SF3B2: variants seen among roughly 807,000 people sequenced by gnomAD.
The protein encoded by SF3B2 is splicing factor 3b subunit 2.
SF3B2 carries 22 observed loss-of-function variants against 116.3 expected under a neutral mutation model. The observed-to-expected ratio is 0.19, with a 90% CI of 0.14 to 0.27. The LOEUF (loss-of-function observed/expected upper bound fraction) is 0.27, where lower values mean the gene tolerates loss of function less well. Ranked by LOEUF, SF3B2 falls within the 10% of genes least tolerant of loss-of-function variation. The pLI, the probability that SF3B2 is intolerant of heterozygous loss-of-function variation, is 1.00. For missense variants in SF3B2, 767 were observed against 1,151.4 expected, an observed-to-expected ratio of 0.67 and a Z score of 4.83; for synonymous variants, 406 against 421.6, an observed-to-expected ratio of 0.96 and a Z score of 0.45.
At position 66,059,179 on chromosome 11, in the gene SF3B2, T is replaced by G; in HGVS notation, c.1183-22T>G. On this transcript the variant is annotated intron_variant, in intron 10 of 21. Coordinates refer to ENST00000322535, the MANE Select transcript of SF3B2 (RefSeq NM_006842.3). The surrounding 1 kb of genome is among the most constrained non-coding windows in gnomAD (Gnocchi z 5.0). Reference sequence around the variant, plus strand: ...GGGAAGGGGCTCAGAGGGCAGGGGTTTCACCTTGTCTGCCTCCTTAGCTCA... The same window carrying G: ...GGGAAGGGGCTCAGAGGGCAGGGGTGTCACCTTGTCTGCCTCCTTAGCTCA... 1 of 1,613,988 alleles carries G rather than the reference T, an allele frequency of 6.2e-7. No homozygotes were observed. Among genetic ancestry groups the G allele is most frequent in the East Asian group, 2.2e-5 (1 of 44,864 alleles).
intron 7 of SF3B2, 52 bp downstream of exon 7, chr11:66,057,427 G>A: frequency 1.1e-6 from 1 of 894,078 alleles, no homozygotes; most frequent in Non-Finnish European, 1.8e-6. Context: ...TTTAGGATGG[G>A]ACTATTTTTG....
At position 66,063,788 on chromosome 11, in the gene SF3B2, C is replaced by A. The variant is rs942219515; in HGVS notation, c.2330+59C>A. The stretch of plus-strand genomic sequence containing the variant: ...CCTTCACTTCCCTTTGGCTGGCTGG[C>A]TGACTGTTGTTCCTTTCTCCCTCAT... On this transcript the variant is annotated intron_variant, in intron 19 of 21. Transcript: ENST00000322535. 5 of 1,366,386 alleles carry A rather than the reference C, an allele frequency of 3.7e-6. No individual in the cohort carries two copies. The African/African-American group carries it at 5.8e-5, about 16-fold the overall frequency. 84.6% of individuals were successfully genotyped at this position (1,366,386 alleles called of 1,614,324 possible).
At position 66,055,680 on chromosome 11, in the gene SF3B2, G is replaced by T. The variant is rs1856981690; in HGVS notation, c.549+95G>T. On this transcript the variant is annotated intron_variant, in intron 5 of 21. Coordinates refer to ENST00000322535, the MANE Select transcript of SF3B2 (RefSeq NM_006842.3). ...TGCACCATTCAAGTTTTCCCTGGAG[G>T]CTACTTTGTTCTCAACTAAGTTCTA... The T allele has an allele frequency of 3.5e-6, 4 of 1,157,178 alleles. No individual in the cohort carries two copies. In the Admixed American group the frequency reaches 6.1e-5, roughly 18 times the overall value. 71.7% of individuals were successfully genotyped at this position (1,157,178 alleles called of 1,614,324 possible). A position where few individuals can be genotyped will look rare whatever the true frequency, so the allele number is the denominator to read the frequency against.
rs952709021 is a variant in SF3B2 at position 66,053,322 on chromosome 11, T to C, written c.258+218T>C. The C allele has an allele frequency of 1.7e-5, 10 of 574,494 alleles. No individual in the cohort carries two copies. In the African/African-American group the frequency reaches 1.9e-4, roughly 11 times the overall value. The allele number at this position is 574,494 out of a possible 1,614,324, so 35.6% of individuals were successfully genotyped here. A position where few individuals can be genotyped will look rare whatever the true frequency, so the allele number is the denominator to read the frequency against. On this transcript the variant is annotated intron_variant, in intron 3 of 21. Transcript: ENST00000322535. ...GGGAGGTACTGCCATGACAGAATTG[T>C]GAGCTCTTCAGTTCTCTCTTTGATG... is the stretch of plus-strand genomic sequence containing the variant.
rs538512113 is a variant in SF3B2 at position 66,053,116 on chromosome 11, C to G, written c.258+12C>G. 104 of 1,612,254 alleles carry G rather than the reference C, an allele frequency of 6.5e-5. No homozygotes were observed. In the East Asian group the frequency reaches 1.6e-3, roughly 26 times the overall value. ...CCATGTCGGCACAGGTAGGGAGATT[C>G]TTCTGTTTTTTAAGATTCCATCTGC... On this transcript the variant is annotated intron_variant, in intron 3 of 21. Transcript: ENST00000322535.
At chr11:66,052,904 C>A in intron 2 of SF3B2, 123 bp from the exon 3 acceptor site, 2 of 1,247,530 alleles carry the variant, frequency 1.6e-6, no homozygotes, top group Non-Finnish European at 2.3e-6. Context: ...TGGTCCTCTT[C>A]AGTGCCCAGC....
In SF3B2 at chr11:66,056,858, G is replaced by A. The variant is rs369236523; in HGVS notation, c.570G>A (p.Gln190=). The A allele has an allele frequency of 5.6e-6, 9 of 1,613,928 alleles. No homozygotes were observed. The African/African-American group carries it at 1.1e-4, about 19-fold the overall frequency. The change falls in exon 6 of 22, where the codon CAG becomes CAA. Residue 190 remains glutamine, a synonymous_variant. Coordinates refer to ENST00000322535, the MANE Select transcript of SF3B2 (RefSeq NM_006842.3). ...QQKRAAVLLE[Q]ERQQEIAKMG... Reference sequence around the variant, plus strand: ...CGTAGGCAGCTGTGTTACTGGAGCAGGAACGACAGCAGGAGATTGCCAAGA... The same window carrying A: ...CGTAGGCAGCTGTGTTACTGGAGCAAGAACGACAGCAGGAGATTGCCAAGA...
intron 16 of SF3B2, 133 bp from the exon 17 acceptor site, chr11:66,062,876 G>T: frequency 2.0e-6 from 1 of 506,558 alleles, no homozygotes; most frequent in Non-Finnish European, 3.5e-6. Context: ...CATAACATTT[G>T]ATTTAATTCT....
In SF3B2 at chr11:66,055,558, A is replaced by G. The variant is rs924767310; in HGVS notation, c.522A>G (p.Glu174=). Reference sequence around the variant, plus strand: ...AGCAGGGAGATCATTCGCTGAAGGAACATGAGCTCTTGGAGCAGCAGAAGC... The same window carrying G: ...AGCAGGGAGATCATTCGCTGAAGGAGCATGAGCTCTTGGAGCAGCAGAAGC... ...AKQQGDHSLK[E]HELLEQQKRA... is the part of the protein sequence containing the mutation. Residue 174 remains glutamate (E), a synonymous_variant, in exon 5 of 22, where the codon GAA becomes GAG. Transcript: ENST00000322535. 1 of 1,614,054 alleles carries G rather than the reference A, an allele frequency of 6.2e-7. No homozygotes were observed. The highest frequency in any genetic ancestry group is 8.5e-7 in the Non-Finnish European group (1 of 1,180,046).
At chr11:66,057,979 AAAAAAAAG>A in intron 7 of SF3B2, 67 bp from the exon 8 acceptor site, 2 of 1,201,508 alleles carry the variant, frequency 1.7e-6, no homozygotes, top group Non-Finnish European at 2.3e-6. Flanking sequence ...TCTCAAAAAA[AAAAAAAAG>A]AAAGAAAGAA....
Position 66,059,219 on chromosome 11 carries a change from A to G in SF3B2, c.1201A>G (p.Lys401Glu). 1.2e-6 allele frequency: 2 copies of G among 1,614,076 alleles called. No homozygotes were observed. The highest frequency in any genetic ancestry group is 1.7e-6 in the Non-Finnish European group (2 of 1,180,018). Reference protein sequence around the residue: ...EAFKLTDDVKKEKEKEPEKLD... With the variant: ...EAFKLTDDVKEEKEKEPEKLD... Reference sequence around the variant, plus strand: ...TCCTTAGCTCACTGATGATGTGAAGAAGGAGAAAGAGAAGGAGCCAGAGAA... The same window carrying G: ...TCCTTAGCTCACTGATGATGTGAAGGAGGAGAAAGAGAAGGAGCCAGAGAA... Residue 401 changes from lysine (K) to glutamate (E), a missense_variant, in exon 11 of 22, where the codon AAG becomes GAG. Coordinates refer to ENST00000322535, the MANE Select transcript of SF3B2 (RefSeq NM_006842.3). The surrounding 1 kb of genome is among the most constrained non-coding windows in gnomAD (Gnocchi z 5.0).
At chr11:66,060,534 G>A in intron 13 of SF3B2, 48 bp from the exon 14 acceptor site, 4 of 1,607,092 alleles carry the variant, frequency 2.5e-6, no homozygotes, top group Non-Finnish European at 3.4e-6. Flanking sequence ...TTCTCTACAT[G>A]AATTTGGTGA....
At chr11:66,067,826 T>G in intron 19 of SF3B2, 120 bp from the exon 20 acceptor site, 1 of 749,472 alleles carries the variant, frequency 1.3e-6, no homozygotes, top group Non-Finnish European at 2.3e-6. Context: ...GGCTGCATCC[T>G]TGGGGAGCTC....
intron 3 of SF3B2, among the ~76,000 whole-genome samples, chr11:66,054,339 T>C (rs1388717864): frequency 1.3e-5 from 2 of 151,980 alleles, no homozygotes; most frequent in African/African-American, 4.8e-5. Context: ...TAGCCGGGCA[T>C]GGTGGCAGGT....
intron 3 of SF3B2, among the ~76,000 whole-genome samples, chr11:66,054,838 T>C (rs1438903471): frequency 1.3e-5 from 2 of 152,240 alleles, no homozygotes; most frequent in Non-Finnish European, 2.9e-5. Context: ...CCTAGAATTG[T>C]ATGCAGAATC....
intron 7 of SF3B2, 57 bp from the exon 8 acceptor site, chr11:66,057,997 A>AAG: frequency 7.5e-7 from 1 of 1,325,032 alleles, no homozygotes; most frequent in Admixed American, 2.6e-5. Context: ...GAAAGAAAGA[A>AAG]AAAAAAAAGA....
rs918826510 is a variant in SF3B2 at position 66,068,900 on chromosome 11, A to G, written c.*155A>G. ...AGCTGTTTCCCAAGGAAAGAGATGA[A>G]TATTTAACACTCCTGAGCCTCCCTC... On this transcript the variant is annotated 3_prime_UTR_variant, in exon 22 of 22. Transcript: ENST00000322535. The G allele has an allele frequency of 3.1e-6, 2 of 641,146 alleles. No individual in the cohort carries two copies. The highest frequency in any genetic ancestry group is 1.9e-5 in the South Asian group (1 of 52,278). The allele number at this position is 641,146 out of a possible 1,614,324, so 39.7% of individuals were successfully genotyped here. A position where few individuals can be genotyped will look rare whatever the true frequency, so the allele number is the denominator to read the frequency against.
chr11:66,056,078 T>C (rs1856988217), intron 5 of SF3B2, among the ~76,000 whole-genome samples: 1 of 152,152 alleles, frequency 6.6e-6, no homozygotes, highest in Admixed American at 6.5e-5. Flanking sequence ...AGTGGGTTAC[T>C]CAGGAGTATT....
At chr11:66,058,763 T>G in intron 9 of SF3B2, 67 bp from the exon 10 acceptor site, 6 of 1,338,784 alleles carry the variant, frequency 4.5e-6, no homozygotes, top group Non-Finnish European at 6.3e-6. Context: ...GGGGAGGAGT[T>G]TAGGGGTTGG....
Sources: gnomAD v4.1 joint callset for allele counts (sites outside exome capture counted in the v4.1 genomes callset) on GRCh38, gnomAD v4.1.1 for gene constraint, Gnocchi (gnomAD v3.1) non-coding constraint, MANE v1.5 for transcripts, NCBI Gene and HGNC (gene_info 2026-07-23, HGNC 2026-07-21) for gene names.